The following HAVCR2 variants were observed in gnomAD, a reference collection of about 807,000 sequenced individuals.
HAVCR2 encodes the protein hepatitis A virus cellular receptor 2.
In HAVCR2, 13 loss-of-function variants were observed where a neutral mutation model predicts 24.7. The observed-to-expected ratio is 0.53, with a 90% CI of 0.34 to 0.84. The LOEUF is 0.84. Ranked by LOEUF, HAVCR2 falls within the 40% of genes least tolerant of loss-of-function variation. The probability of loss-of-function intolerance (pLI) is 0.01; values close to 1 mark genes in which losing one functional copy is unlikely to be tolerated. For synonymous variants in HAVCR2, 154 were observed against 143.4 expected (o/e 1.07, Z -0.53); for missense variants, 343 against 371.2 (o/e 0.92, Z 0.62).
intron 3 of HAVCR2, among the ~76,000 whole-genome samples, chr5:157,103,059 G>A (rs1039071139): frequency 1.3e-5 from 2 of 151,784 alleles, no homozygotes; most frequent in Non-Finnish European, 1.5e-5. Context: ...TGCCCATTCA[G>A]TGGTGATGTA....
At chr5:157,103,303 G>A (rs1757197316) in intron 3 of HAVCR2, among the ~76,000 whole-genome samples, 2 of 151,694 alleles carry the variant, frequency 1.3e-5, no homozygotes, top group Non-Finnish European at 1.5e-5. Flanking sequence ...CCCAGGAGGC[G>A]GAACTTGCAG....
chr5:157,095,839 A>G (rs1215601515), intron 4 of HAVCR2, among the ~76,000 whole-genome samples: 1 of 152,038 alleles, frequency 6.6e-6, no homozygotes, highest in East Asian at 1.9e-4. Flanking sequence ...AGAGTAGTTT[A>G]CATTTAGTGT....
At chr5:157,103,452 T>C (rs543256643) in intron 3 of HAVCR2, among the ~76,000 whole-genome samples, 2 of 152,148 alleles carry the variant, frequency 1.3e-5, no homozygotes, top group East Asian at 1.9e-4. Flanking sequence ...TCTAGCACTA[T>C]GGTTGTAAGA....
intron 4 of HAVCR2, among the ~76,000 whole-genome samples, chr5:157,096,772 C>T (rs944905018): frequency 1.8e-4 from 28 of 151,702 alleles, no homozygotes; most frequent in African/African-American, 5.8e-4. Flanking sequence ...AGCAAAACTC[C>T]ATCTCAAAAA....
At chr5:157,093,782 T>G (rs2113687070) in intron 5 of HAVCR2, among the ~76,000 whole-genome samples, 1 of 152,112 alleles carries the variant, frequency 6.6e-6, no homozygotes, top group Admixed American at 6.6e-5. Context: ...CTGTCTCTAC[T>G]AAAAATATAA....
chr5:157,103,868 A>G (rs1342950657), intron 3 of HAVCR2, among the ~76,000 whole-genome samples: 2 of 152,148 alleles, frequency 1.3e-5, no homozygotes, highest in Non-Finnish European at 2.9e-5. Flanking sequence ...TTTAACCACA[A>G]TCTCACTGTG....
chr5:157,106,898 G>C lies in HAVCR2; in HGVS notation c.123C>G (p.Thr41=), dbSNP rs200619257. 6.2e-7 allele frequency: 1 copy of C among 1,614,192 alleles called. No homozygotes were observed. The highest frequency in any genetic ancestry group is 2.2e-5 in the East Asian group (1 of 44,888). ...GQNAYLPCFY[T]PAAPGNLVPV... is the part of the protein sequence containing the mutation. ...GCACGAGGTTCCCTGGGGCGGCTGG[G>C]GTGTAGAAGCAGGGCAGATAGGCAT... Residue 41 remains threonine (T), a synonymous_variant, in exon 2 of 7, where the codon ACC becomes ACG. Transcript: ENST00000307851.
rs990925306 is a variant in HAVCR2 at position 157,086,385 on chromosome 5, A to G, written c.*717T>C. 1 of 152,336 alleles carries G rather than the reference A, an allele frequency of 6.6e-6. No homozygotes were observed. Among genetic ancestry groups the G allele is most frequent in the African/African-American group, 2.4e-5 (1 of 41,462 alleles). The allele number at this position is 152,336 out of a possible 1,614,324, so 9.4% of individuals were successfully genotyped here. On this transcript the variant is annotated 3_prime_UTR_variant, in exon 7 of 7. Coordinates refer to ENST00000307851, the MANE Select transcript of HAVCR2 (RefSeq NM_032782.5). Reference sequence around the variant, plus strand: ...GATCACTGGCTGGATGTGGTGGCTCACGCCTGTAATCCCAGTGCTTTGGGA... The same window carrying G: ...GATCACTGGCTGGATGTGGTGGCTCGCGCCTGTAATCCCAGTGCTTTGGGA...
At chr5:157,101,956 TTTTTTTTTG>T (rs1474339609) in intron 3 of HAVCR2, among the ~76,000 whole-genome samples, 3 of 147,540 alleles carry the variant, frequency 2.0e-5, no homozygotes, top group Admixed American at 6.8e-5. Context: ...TTTTTTTTTT[TTTTTTTTTG>T]GGATGGAATC....
intron 4 of HAVCR2, among the ~76,000 whole-genome samples, chr5:157,098,158 G>A (rs1757119804): frequency 6.6e-6 from 1 of 152,070 alleles, no homozygotes; most frequent in Non-Finnish European, 1.5e-5. Context: ...TGCAATCTCA[G>A]CACTTTGGGA....
chr5:157,095,056 G>A (rs1261241813), intron 5 of HAVCR2, among the ~76,000 whole-genome samples: 1 of 152,116 alleles, frequency 6.6e-6, no homozygotes, highest in East Asian at 1.9e-4. Flanking sequence ...AAATGGGGAT[G>A]GTACTATTCC....
chr5:157,104,550 C>T lies in HAVCR2; in HGVS notation c.478+116G>A, dbSNP rs2902306. ...CTTTTCAAACACTATTTCAGGTGCA[C>T]GGAGATATCCATGCCTCCACTCTCA... On this transcript the variant is annotated intron_variant, in intron 3 of 6. Transcript: ENST00000307851. 0.84 allele frequency: 538,450 copies of T among 644,288 alleles called. 226,292 individuals are homozygous for T. Among genetic ancestry groups the T allele is most frequent in the East Asian group, 0.98 (33,093 of 33,686 alleles). 39.9% of individuals were successfully genotyped at this position (644,288 alleles called of 1,614,324 possible).
chr5:157,091,372 G>A (rs949365702), intron 5 of HAVCR2, among the ~76,000 whole-genome samples: 28 of 152,168 alleles, frequency 1.8e-4, no homozygotes, highest in African/African-American at 6.7e-4. Context: ...TTGAACCCGG[G>A]GAGGCAGAGG....
intron 6 of HAVCR2, among the ~76,000 whole-genome samples, chr5:157,087,776 C>T (rs578098217): frequency 6.6e-6 from 1 of 151,918 alleles, no homozygotes; most frequent in East Asian, 1.9e-4. Context: ...TGGTGGCATG[C>T]ACCTGTAATC....
chr5:157,099,544 G>C (rs1178983496), intron 3 of HAVCR2, among the ~76,000 whole-genome samples: 2 of 151,748 alleles, frequency 1.3e-5, no homozygotes, highest in African/African-American at 2.4e-5. Context: ...GAACGACCAG[G>C]CTTGGCCTCA....
chr5:157,101,992 G>A lies in HAVCR2; in HGVS notation c.478+2674C>T, dbSNP rs1335650887. ...GATGGAATCTCGCTCTGTTTTCCAG[G>A]CTTCAGGACAGTGGTGAGATCTCGG... On this transcript the variant is annotated intron_variant, in intron 3 of 6. Transcript: ENST00000307851. Among the ~76,000 whole-genome samples, 3 of 145,130 alleles carry A rather than the reference G, an allele frequency of 2.1e-5. No homozygotes were observed. In the East Asian group the frequency reaches 6.0e-4, roughly 29 times the overall value.
intron 1 of HAVCR2, among the ~76,000 whole-genome samples, chr5:157,108,185 G>C (rs983269747): frequency 1.3e-5 from 2 of 151,770 alleles, no homozygotes; most frequent in African/African-American, 4.8e-5. Flanking sequence ...ACTATCAAAG[G>C]TGTATGAAAA....
At chr5:157,102,086 A>C (rs2113692767) in intron 3 of HAVCR2, among the ~76,000 whole-genome samples, 1 of 151,386 alleles carries the variant, frequency 6.6e-6, no homozygotes, top group Admixed American at 6.6e-5. Context: ...ATAGGCATGC[A>C]CCACCATGAC....
At chr5:157,106,987 A>C in intron 1 of HAVCR2, 25 bp from the exon 2 acceptor site, 2 of 1,579,142 alleles carry the variant, frequency 1.3e-6, no homozygotes, top group Non-Finnish European at 1.7e-6. Context: ...AAGGAGAGCC[A>C]AGACTCAAGC....
Sources: gnomAD v4.1 joint callset for allele counts (sites outside exome capture counted in the v4.1 genomes callset) on GRCh38, gnomAD v4.1.1 for gene constraint, MANE v1.5 for transcripts, NCBI Gene and HGNC (gene_info 2026-07-23, HGNC 2026-07-21) for gene names.